The following EPS8 variants were observed in gnomAD, a reference collection of about 807,000 sequenced individuals.
EPS8 encodes EGFR pathway substrate 8, signaling adaptor.
In EPS8, 42 loss-of-function variants were observed where a neutral mutation model predicts 103.8. That is an observed-to-expected ratio of 0.40 (90% CI 0.32 to 0.52). The LOEUF is 0.52. Ranked by LOEUF, EPS8 falls within the 20% of genes least tolerant of loss-of-function variation. EPS8 has a pLI of 0.40. For missense variants in EPS8, 969 were observed against 1,005.1 expected, an observed-to-expected ratio of 0.96 and a Z score of 0.49; for synonymous variants, 344 against 344.6, an observed-to-expected ratio of 1.00 and a Z score of 0.02.
Position 15,657,847 on chromosome 12 carries a change from T to C in EPS8, c.1101+232A>G, listed in dbSNP as rs1383350488. The C allele has an allele frequency of 1.5e-5, 7 of 461,690 alleles. No individual in the cohort carries two copies. The Admixed American group carries it at 1.9e-4, about 13-fold the overall frequency. The allele number at this position is 461,690 out of a possible 1,614,324, so 28.6% of individuals were successfully genotyped here. ...AAATCTTTATTTCTTTTCATATCCC[T>C]AGCACTGTCAGAGATACCAGTTTCC... On this transcript the variant is annotated intron_variant, in intron 12 of 20. Transcript: ENST00000281172.
intron 1 of EPS8, among the ~76,000 whole-genome samples, chr12:15,746,718 C>G (rs888106716): frequency 6.6e-6 from 1 of 152,086 alleles, no homozygotes; most frequent in Non-Finnish European, 1.5e-5. Flanking sequence ...GTTTCCTTAC[C>G]TGAAAAGCAA....
At position 15,641,704 on chromosome 12, in the gene EPS8, A is replaced by G. The variant is rs766569056; in HGVS notation, c.1677+18T>C. On this transcript the variant is annotated intron_variant, in intron 16 of 20. Transcript: ENST00000281172. ...AAACTACTTTATTAAGAGTATAAAA[A>G]AGAAAAAATTATATTACCTCTAAAA... 1.5e-6 allele frequency: 2 copies of G among 1,346,696 alleles called. No individual in the cohort carries two copies. Among genetic ancestry groups the G allele is most frequent in the Admixed American group, 4.4e-5 (2 of 45,456 alleles). The allele number at this position is 1,346,696 out of a possible 1,614,324, so 83.4% of individuals were successfully genotyped here. A position where few individuals can be genotyped will look rare whatever the true frequency, so the allele number is the denominator to read the frequency against.
chr12:15,752,945 C>G lies in EPS8; in HGVS notation c.-22+36216G>C, dbSNP rs1288760417. Among the ~76,000 whole-genome samples, 1 of 151,858 alleles carries G rather than the reference C, an allele frequency of 6.6e-6. No individual in the cohort carries two copies. ...AATATTAGTTGCATCATTTCAGTTA[C>G]ATTATGGTAAAAGGGGCAATTGTGG... On this transcript the variant is annotated intron_variant, in intron 1 of 20. Transcript: ENST00000281172. The surrounding 1 kb of genome is among the most constrained non-coding windows in gnomAD (Gnocchi z 4.4).
chr12:15,651,881 G>C (rs916143309), intron 13 of EPS8, among the ~76,000 whole-genome samples: 1 of 152,054 alleles, frequency 6.6e-6, no homozygotes, highest in Non-Finnish European at 1.5e-5. Context: ...GATCTAAAAT[G>C]ACCCTTTCCG....
At position 15,697,616 on chromosome 12, in the gene EPS8, T is replaced by C. The variant is rs1206402930; in HGVS notation, c.-21-14644A>G. On this transcript the variant is annotated intron_variant, in intron 1 of 20. Transcript: ENST00000281172. The surrounding 1 kb of genome is among the most constrained non-coding windows in gnomAD (Gnocchi z 5.6). ...GATAAAATTCAACCACTTTGCCACA[T>C]AGAGGAAAATAATGGCTAGAGTTTT... 2.6e-5 allele frequency among the ~76,000 whole-genome samples: 4 copies of C among 152,190 alleles called. No individual in the cohort carries two copies. The highest frequency in any genetic ancestry group is 9.6e-5 in the African/African-American group (4 of 41,458).
chr12:15,683,767 C>A (rs923982400), intron 1 of EPS8: 1 of 152,142 alleles, frequency 6.6e-6, no homozygotes, highest in Non-Finnish European at 1.5e-5. Flanking sequence ...TTCTAGATAA[C>A]ATTGCTGTAC....
chr12:15,630,200 T>TCACA (rs1321267543), intron 18 of EPS8, among the ~76,000 whole-genome samples: 2 of 75,976 alleles, frequency 2.6e-5, no homozygotes, highest in Admixed American at 1.9e-4. Flanking sequence ...TATCTCTCTC[T>TCACA]CACTCACACA....
chr12:15,651,148 C>T (rs1945407766), intron 13 of EPS8, 142 bp from the exon 14 acceptor site: 2 of 571,194 alleles, frequency 3.5e-6, no homozygotes, highest in East Asian at 5.8e-5. Context: ...CCTAATCTGT[C>T]TTCCATCCAC....
intron 1 of EPS8, among the ~76,000 whole-genome samples, chr12:15,718,077 A>G (rs1259067337): frequency 6.6e-6 from 1 of 152,178 alleles, no homozygotes; most frequent in African/African-American, 2.4e-5. Flanking sequence ...GCACAAGGAA[A>G]CCAAAAGCTT....
intron 1 of EPS8, among the ~76,000 whole-genome samples, chr12:15,783,027 C>A (rs1947275588): frequency 6.6e-6 from 1 of 152,146 alleles, no homozygotes; most frequent in African/African-American, 2.4e-5. Flanking sequence ...CTAGAGATGC[C>A]AGAAATGCTC....
chr12:15,671,773 C>T (rs1945822624), intron 3 of EPS8: 1 of 152,098 alleles, frequency 6.6e-6, no homozygotes, highest in Non-Finnish European at 1.5e-5. Flanking sequence ...ATCTCTGTAT[C>T]ATTCCAATTT....
At chr12:15,711,571 T>G (rs1946465539) in intron 1 of EPS8, among the ~76,000 whole-genome samples, 3 of 152,124 alleles carry the variant, frequency 2.0e-5, no homozygotes, top group Admixed American at 2.0e-4. Context: ...AGAACATATA[T>G]GGAGATTTAC....
chr12:15,655,234 T>C (rs1372340050), intron 12 of EPS8, among the ~76,000 whole-genome samples: 1 of 152,166 alleles, frequency 6.6e-6, no homozygotes, highest in Non-Finnish European at 1.5e-5. Flanking sequence ...TGAAAGCCTG[T>C]GTTAACCCCA....
chr12:15,620,597 C>A lies in EPS8; in HGVS notation c.*720G>T, dbSNP rs1944847486. On this transcript the variant is annotated 3_prime_UTR_variant, in exon 21 of 21. Transcript: ENST00000281172. ...TTTGCTAGATTTTGAGAAGACATGA[C>A]CTCTTTCGCATTTGTGCTTTCTCAT... The A allele has an allele frequency of 1.3e-5, 2 of 152,556 alleles. No individual in the cohort carries two copies. Among genetic ancestry groups the A allele is most frequent in the African/African-American group, 4.8e-5 (2 of 41,422 alleles). 9.5% of individuals were successfully genotyped at this position (152,556 alleles called of 1,614,324 possible). A position where few individuals can be genotyped will look rare whatever the true frequency, so the allele number is the denominator to read the frequency against.
intron 17 of EPS8, 107 bp downstream of exon 17, chr12:15,640,596 C>G: frequency 1.0e-6 from 1 of 974,502 alleles, no homozygotes. Flanking sequence ...AATATATAAC[C>G]AACTACATCT....
Position 15,747,952 on chromosome 12 carries a change from G to A in EPS8, c.-22+41209C>T, listed in dbSNP as rs185821479. Among the ~76,000 whole-genome samples, 49 of 151,136 alleles carry A rather than the reference G, an allele frequency of 3.2e-4. 1 individual carries two copies. The highest frequency in any genetic ancestry group is 1.0e-3 in the African/African-American group (43 of 41,126). ...GGAGAATCGCTTGAACCCGGGAGGC[G>A]GAGATTGCAGTGAGCCGAGATCACA... On this transcript the variant is annotated intron_variant, in intron 1 of 20. Transcript: ENST00000281172. This position sits in a 1 kb window ranked among gnomAD's most constrained non-coding sequence, Gnocchi z 4.4.
At chr12:15,666,582 T>G in intron 6 of EPS8, 60 bp from the exon 7 acceptor site, 1 of 1,199,442 alleles carries the variant, frequency 8.3e-7, no homozygotes, top group Non-Finnish European at 1.2e-6. Context: ...TGATATGTAG[T>G]TTAAAACAGA....
Position 15,784,292 on chromosome 12 carries a change from A to T in EPS8, c.-22+4869T>A, listed in dbSNP as rs1947288424. ...AATGTATAAAGAACTCTTAAAATCA[A>T]CAATAAGAAAACAACCCCATTAAAA... On this transcript the variant is annotated intron_variant, in intron 1 of 20. Coordinates refer to ENST00000281172, the MANE Select transcript of EPS8 (RefSeq NM_004447.6). The surrounding 1 kb of genome is among the most constrained non-coding windows in gnomAD (Gnocchi z 4.0). 6.6e-6 allele frequency among the ~76,000 whole-genome samples: 1 copy of T among 152,218 alleles called. No individual in the cohort carries two copies. The highest frequency in any genetic ancestry group is 1.5e-5 in the Non-Finnish European group (1 of 68,016).
At chr12:15,673,261 T>C (rs1009168882) in intron 3 of EPS8, among the ~76,000 whole-genome samples, 3 of 152,208 alleles carry the variant, frequency 2.0e-5, no homozygotes, top group African/African-American at 4.8e-5. Flanking sequence ...AAATAAGTTG[T>C]ATAAGAAACT....
Sources: allele counts gnomAD v4.1 joint callset (sites outside exome capture counted in the v4.1 genomes callset), GRCh38; gene constraint gnomAD v4.1.1; non-coding constraint Gnocchi (gnomAD v3.1); transcripts MANE v1.5; gene names NCBI Gene and HGNC (gene_info 2026-07-23, HGNC 2026-07-21).